KIAA1671: variants seen among roughly 807,000 people sequenced by gnomAD.
The protein encoded by KIAA1671 is KIAA1671, also known as uncharacterized protein KIAA1671.
KIAA1671 carries 52 observed loss-of-function variants against 131.2 expected under a neutral mutation model. The observed-to-expected ratio is 0.40, with a 90% CI of 0.32 to 0.50. The LOEUF is 0.50. KIAA1671 is among the 20% of genes least tolerant of loss of function. KIAA1671 has a pLI of 0.73. For missense variants in KIAA1671, 2,360 were observed against 2,364.2 expected, an observed-to-expected ratio of 1.00 and a Z score of 0.04; for synonymous variants, 1,003 against 961.6, an observed-to-expected ratio of 1.04 and a Z score of -0.80.
chr22:25,016,289 G>A (rs1283999787), intron 1 of KIAA1671, among the ~76,000 whole-genome samples: 25 of 152,070 alleles, frequency 1.6e-4, no homozygotes, highest in African/African-American at 6.0e-4. Context: ...AAAGTGCTGG[G>A]ATTACAGGCG....
chr22:24,974,193 C>T (rs1230079595), intron 1 of KIAA1671, among the ~76,000 whole-genome samples: 2 of 152,138 alleles, frequency 1.3e-5, no homozygotes, highest in Admixed American at 1.3e-4. Context: ...GGAGATAGAA[C>T]TTCTGGGTAA....
chr22:24,956,605 G>A (rs933210074), intron 1 of KIAA1671, among the ~76,000 whole-genome samples: 2 of 152,032 alleles, frequency 1.3e-5, no homozygotes, highest in Non-Finnish European at 2.9e-5. Context: ...GGTGGCTCAC[G>A]CCTGTAATCC....
At chr22:24,969,708 G>A (rs1044468460) in intron 1 of KIAA1671, among the ~76,000 whole-genome samples, 5 of 152,210 alleles carry the variant, frequency 3.3e-5, no homozygotes, top group Admixed American at 6.5e-5. Context: ...TCAGCTCCGT[G>A]TCTTGGGGCA....
intron 6 of KIAA1671, among the ~76,000 whole-genome samples, chr22:25,156,765 G>A (rs529656503): frequency 4.1e-4 from 63 of 152,250 alleles, no homozygotes; most frequent in African/African-American, 1.5e-3. Context: ...AGCAGGGATG[G>A]TCAAGCCACT....
intron 5 of KIAA1671, among the ~76,000 whole-genome samples, chr22:25,048,684 G>T (rs1927371092): frequency 6.6e-6 from 1 of 152,172 alleles, no homozygotes; most frequent in Non-Finnish European, 1.5e-5. Flanking sequence ...AGATGTACTG[G>T]AGGTGCTGTG....
At chr22:24,995,939 G>C (rs1308365660) in intron 1 of KIAA1671, among the ~76,000 whole-genome samples, 2 of 152,232 alleles carry the variant, frequency 1.3e-5, no homozygotes, top group African/African-American at 4.8e-5. Context: ...CAGACAAGGG[G>C]AGGAGACTGG....
At chr22:25,061,160 C>T (rs1026328786) in intron 6 of KIAA1671, 4 of 152,040 alleles carry the variant, frequency 2.6e-5, no homozygotes, top group African/African-American at 9.7e-5. Flanking sequence ...TAAAAAAGAG[C>T]GTGGGGTATG....
intron 9 of KIAA1671, among the ~76,000 whole-genome samples, chr22:25,180,722 G>A (rs1420916272): frequency 6.6e-6 from 1 of 152,164 alleles, no homozygotes; most frequent in East Asian, 1.9e-4. Flanking sequence ...GAGGGGCATT[G>A]CTTCTGACCA....
intron 6 of KIAA1671, among the ~76,000 whole-genome samples, chr22:25,079,000 A>G (rs1034042780): frequency 1.3e-5 from 2 of 152,134 alleles, no homozygotes; most frequent in African/African-American, 2.4e-5. Context: ...TTTGCCATCT[A>G]TAGAGTAGAA....
intron 1 of KIAA1671, among the ~76,000 whole-genome samples, chr22:24,963,820 T>G (rs950459575): frequency 1.3e-5 from 2 of 151,178 alleles, no homozygotes; most frequent in Admixed American, 6.6e-5. Context: ...GGTGCCTGTA[T>G]TCCCAGCTAC....
chr22:25,116,431 G>A (rs965112768), intron 6 of KIAA1671, among the ~76,000 whole-genome samples: 1 of 146,464 alleles, frequency 6.8e-6, no homozygotes, highest in African/African-American at 2.6e-5. Flanking sequence ...ATGTATGTAT[G>A]TACGTATTGA....
rs141669267 is a variant in KIAA1671 at position 24,960,109 on chromosome 22, C to T, written c.-208+7337C>T. ...ATCATACCACTGCACTGCAGCCTGG[C>T]GACAGAGTGAGACTCCGTCTCAAAT... is the stretch of plus-strand genomic sequence containing the variant. On this transcript the variant is annotated intron_variant, in intron 1 of 12. Coordinates refer to ENST00000358431, the MANE Select transcript of KIAA1671 (RefSeq NM_001145206.2). Among the ~76,000 whole-genome samples the T allele has an allele frequency of 2.0e-3, 293 of 149,834 alleles. 1 individual carries two copies. Among genetic ancestry groups the T allele is most frequent in the African/African-American group, 6.9e-3 (277 of 40,374 alleles).
rs555231071 is a variant in KIAA1671 at position 25,148,070 on chromosome 22, C to T, written c.4531-22750C>T. Among the ~76,000 whole-genome samples, 79 of 141,452 alleles carry T rather than the reference C, an allele frequency of 5.6e-4. 1 individual carries two copies. Among genetic ancestry groups the T allele is most frequent in the Admixed American group, 3.7e-3 (50 of 13,584 alleles). 92.8% of individuals were successfully genotyped at this position (141,452 alleles called of 152,430 possible). A position where few individuals can be genotyped will look rare whatever the true frequency, so the allele number is the denominator to read the frequency against. On this transcript the variant is annotated intron_variant, in intron 6 of 12. Transcript: ENST00000358431. ...TCTCTTCTCTCTTTTTTTTTCTCCT[C>T]TCTTTCTTTATAAATTCATTAAACA...
intron 6 of KIAA1671, among the ~76,000 whole-genome samples, chr22:25,140,475 A>C (rs984427039): frequency 6.6e-6 from 1 of 151,528 alleles, no homozygotes; most frequent in Admixed American, 6.6e-5. Context: ...TCCCAGGTTC[A>C]TGCCATTCTC....
chr22:25,155,873 A>G (rs1207497619), intron 6 of KIAA1671, among the ~76,000 whole-genome samples: 1 of 150,206 alleles, frequency 6.7e-6, no homozygotes, highest in Non-Finnish European at 1.5e-5. Flanking sequence ...GTATGTATGC[A>G]CCTGTACTTG....
chr22:25,147,507 A>G (rs1308482081), intron 6 of KIAA1671, among the ~76,000 whole-genome samples: 2 of 152,102 alleles, frequency 1.3e-5, no homozygotes, highest in Non-Finnish European at 2.9e-5. Context: ...GCAGCATTTT[A>G]TAACAATACC....
At chr22:24,979,638 C>T (rs1361104725) in intron 1 of KIAA1671, among the ~76,000 whole-genome samples, 1 of 152,110 alleles carries the variant, frequency 6.6e-6, no homozygotes, top group East Asian at 1.9e-4. Flanking sequence ...CGTGAGCCAC[C>T]GCGCCCGGCC....
Position 25,019,487 on chromosome 22 carries a change from C to G in KIAA1671, c.-207-6146C>G, listed in dbSNP as rs1162337809. The stretch of plus-strand genomic sequence containing the variant: ...TCAAATTGATGATGGAAAGACAGCT[C>G]AGAGGAAAACCTCTGGTATTGAGAT... On this transcript the variant is annotated intron_variant, in intron 1 of 12. Transcript: ENST00000358431. 3.9e-5 allele frequency among the ~76,000 whole-genome samples: 6 copies of G among 151,970 alleles called. No homozygotes were observed. The South Asian group carries it at 1.2e-3, about 32-fold the overall frequency.
At chr22:25,164,006 C>T (rs867722302) in intron 6 of KIAA1671, among the ~76,000 whole-genome samples, 1 of 152,012 alleles carries the variant, frequency 6.6e-6, no homozygotes. Context: ...TACATGTTAC[C>T]CTGTCTCCCC....
Sources: gnomAD v4.1 joint callset for allele counts (sites outside exome capture counted in the v4.1 genomes callset) on GRCh38, gnomAD v4.1.1 for gene constraint, MANE v1.5 for transcripts, NCBI Gene and HGNC (gene_info 2026-07-23, HGNC 2026-07-21) for gene names.